Variants in SRGAP2C observed in about 807,000 individuals in gnomAD.
The protein encoded by SRGAP2C is SLIT-ROBO Rho GTPase-activating protein 2C.
A neutral mutation model predicts 25.1 loss-of-function variants in SRGAP2C; 15 were observed. The ratio of observed to expected loss-of-function variants is 0.60; its 90% confidence interval spans 0.40 to 0.92. The LOEUF (loss-of-function observed/expected upper bound fraction) is 0.92, where lower values mean the gene tolerates loss of function less well. Among genes scored for constraint, SRGAP2C ranks in the 40% least tolerant of loss-of-function variants. The probability of loss-of-function intolerance (pLI) is 0.00; values close to 1 mark genes in which losing one functional copy is unlikely to be tolerated. For missense variants in SRGAP2C, 144 were observed against 264.4 expected, an observed-to-expected ratio of 0.54 and a Z score of 3.16; for synonymous variants, 44 against 96.6, an observed-to-expected ratio of 0.46 and a Z score of 3.19.
At chr1:121,379,808 TG>T (rs1405225544) in intron 7 of SRGAP2C, among the ~76,000 whole-genome samples, 1 of 77,756 alleles carries the variant, frequency 1.3e-5, no homozygotes, top group Non-Finnish European at 2.5e-5. Flanking sequence ...GCAAAACAAA[TG>T]GCTTCACTGG....
In SRGAP2C at chr1:121,299,612, A is replaced by AT. The variant is rs1657659306; in HGVS notation, c.260+14619dup. Among the ~76,000 whole-genome samples the AT allele has an allele frequency of 4.8e-5, 4 of 83,208 alleles. No individual in the cohort carries two copies. The South Asian group carries it at 1.3e-3, about 26-fold the overall frequency. The allele number at this position is 83,208 out of a possible 152,430, so 54.6% of individuals were successfully genotyped here. A position where few individuals can be genotyped will look rare whatever the true frequency, so the allele number is the denominator to read the frequency against. On this transcript the variant is annotated intron_variant, in intron 3 of 9. Transcript: ENST00000367123. ...GTAGGATGCTGAGCTGTGTTTGCTG[A>AT]TTCCTGCTTAAGCAGTCGGGACAGG...
In SRGAP2C at chr1:121,350,588, A is replaced by G. The variant is rs587630737; in HGVS notation, c.424-14705A>G. The stretch of plus-strand genomic sequence containing the variant: ...AAAACAAACCTGGAAATAATAAAAA[A>G]AAATAACTCAAAATGGATCAAAGGC... On this transcript the variant is annotated intron_variant, in intron 4 of 9. Transcript: ENST00000367123. 5.1e-4 allele frequency among the ~76,000 whole-genome samples: 78 copies of G among 152,270 alleles called. 1 individual carries two copies. The South Asian group carries it at 0.016, about 31-fold the overall frequency.
intron 2 of SRGAP2C, among the ~76,000 whole-genome samples, chr1:121,222,440 G>A (rs1553325818): frequency 1.3e-5 from 2 of 152,088 alleles, no homozygotes; most frequent in African/African-American, 4.8e-5. Context: ...AGCAGCCTGG[G>A]CAACATAAGG....
intron 7 of SRGAP2C, among the ~76,000 whole-genome samples, chr1:121,375,988 G>A (rs2101666795): frequency 6.7e-6 from 1 of 149,936 alleles, no homozygotes; most frequent in East Asian, 2.0e-4. Context: ...TTTTGCAAGG[G>A]GCAAGCGCAG....
At chr1:121,226,003 C>A (rs2101458402) in intron 2 of SRGAP2C, among the ~76,000 whole-genome samples, 1 of 151,542 alleles carries the variant, frequency 6.6e-6, no homozygotes, top group Non-Finnish European at 1.5e-5. Context: ...CCACGCCCGG[C>A]AAAACAGCAT....
intron 2 of SRGAP2C, among the ~76,000 whole-genome samples, chr1:121,236,576 C>T (rs1301494933): frequency 2.6e-5 from 4 of 152,148 alleles, no homozygotes; most frequent in Admixed American, 6.6e-5. Context: ...AACTGAAACC[C>T]TCCCTCACCT....
chr1:121,346,649 G>C (rs1201548784), intron 4 of SRGAP2C, among the ~76,000 whole-genome samples: 1 of 152,208 alleles, frequency 6.6e-6, no homozygotes, highest in Non-Finnish European at 1.5e-5. Context: ...AAAATCTATA[G>C]AGGGTACACC....
intron 3 of SRGAP2C, among the ~76,000 whole-genome samples, chr1:121,288,674 T>C (rs1272427749): frequency 2.7e-4 from 16 of 60,190 alleles, no homozygotes; most frequent in South Asian, 4.9e-4. Context: ...GAGCTAGATA[T>C]AGAGTGCCGA....
chr1:121,375,189 CAG>C (rs1257296501), intron 7 of SRGAP2C, among the ~76,000 whole-genome samples: 2 of 149,464 alleles, frequency 1.3e-5, no homozygotes, highest in African/African-American at 2.5e-5. Context: ...TACAGATTAA[CAG>C]AGAGTTTAGA....
intron 2 of SRGAP2C, among the ~76,000 whole-genome samples, chr1:121,237,901 G>A (rs1437224846): frequency 8.6e-6 from 1 of 116,510 alleles, no homozygotes; most frequent in Non-Finnish European, 1.8e-5. Context: ...TATTGGTGAG[G>A]CAGTTCTAAA....
At chr1:121,289,327 C>CA (rs1340207715) in intron 3 of SRGAP2C, among the ~76,000 whole-genome samples, 1 of 149,958 alleles carries the variant, frequency 6.7e-6, no homozygotes, top group African/African-American at 2.5e-5. Flanking sequence ...CTCAGTACAC[C>CA]CTCCGCAGCC....
chr1:121,275,734 G>A (rs1657093561), intron 2 of SRGAP2C, among the ~76,000 whole-genome samples: 2 of 148,554 alleles, frequency 1.3e-5, no homozygotes, highest in Admixed American at 6.8e-5. Context: ...AACGTCTTTT[G>A]GAAACTTGTA....
chr1:121,363,515 TTGG>T (rs1295474107), intron 4 of SRGAP2C, among the ~76,000 whole-genome samples: 1 of 117,130 alleles, frequency 8.5e-6, no homozygotes, highest in Non-Finnish European at 1.7e-5. Flanking sequence ...ATATATGCTA[TTGG>T]TGGTATTTTA....
intron 2 of SRGAP2C, among the ~76,000 whole-genome samples, chr1:121,213,044 ATTT>A (rs533839791): frequency 1.5e-5 from 2 of 129,126 alleles, no homozygotes; most frequent in African/African-American, 2.9e-5. Flanking sequence ...TAGTTTTCTA[ATTT>A]TTTTTTTTTT....
intron 4 of SRGAP2C, among the ~76,000 whole-genome samples, chr1:121,334,603 G>T (rs1658472521): frequency 8.1e-6 from 1 of 122,886 alleles, no homozygotes; most frequent in Non-Finnish European, 1.7e-5. Flanking sequence ...AAAGTGGTGG[G>T]ATTACAGGCG....
At chr1:121,329,776 G>A (rs1261351336) in intron 4 of SRGAP2C, among the ~76,000 whole-genome samples, 2 of 151,848 alleles carry the variant, frequency 1.3e-5, no homozygotes, top group Admixed American at 1.3e-4. Context: ...AAGCCATGTT[G>A]GAGATTCCTT....
At chr1:121,259,843 CTTTTTTTT>C (rs782529398) in intron 2 of SRGAP2C, among the ~76,000 whole-genome samples, 3 of 107,752 alleles carry the variant, frequency 2.8e-5, no homozygotes, top group South Asian at 3.1e-4. Flanking sequence ...TCTTCTTCTA[CTTTTTTTT>C]TTTTTTTTTT....
At position 121,257,335 on chromosome 1, in the gene SRGAP2C, C is replaced by T. The variant is rs1484362948; in HGVS notation, c.68-27468C>T. ...TTCACCACATTTGCCAGGATGGTCT[C>T]GATCTCTTGACCTCGTGATCCACCA... On this transcript the variant is annotated intron_variant, in intron 2 of 9. Coordinates refer to ENST00000367123, the MANE Select transcript of SRGAP2C (RefSeq NM_001329984.2). Among the ~76,000 whole-genome samples the T allele has an allele frequency of 3.7e-4, 56 of 150,332 alleles. 1 individual carries two copies. Among genetic ancestry groups the T allele is most frequent in the Non-Finnish European group, 5.8e-4 (39 of 67,432 alleles).
chr1:121,387,586 GT>G (rs1470615128), intron 9 of SRGAP2C, 47 bp from the exon 10 acceptor site: 1 of 542,656 alleles, frequency 1.8e-6, no homozygotes, highest in Non-Finnish European at 3.2e-6. Context: ...ATCACCTGCT[GT>G]TTAACAACCC....
Sources: gnomAD v4.1 joint callset for allele counts (sites outside exome capture counted in the v4.1 genomes callset) on GRCh38, gnomAD v4.1.1 for gene constraint, MANE v1.5 for transcripts, NCBI Gene and HGNC (gene_info 2026-07-23, HGNC 2026-07-21) for gene names.